VPS41: variants seen among roughly 807,000 people sequenced by gnomAD.
VPS41 encodes the protein VPS41 subunit of HOPS complex, also known as vacuolar protein sorting-associated protein 41 homolog.
Under a neutral mutation model 130.9 loss-of-function variants are expected in VPS41, and 85 were observed. The ratio of observed to expected loss-of-function variants is 0.65; its 90% CI spans 0.55 to 0.78. VPS41 has a LOEUF of 0.78. Ranked by LOEUF, VPS41 falls within the 30% of genes least tolerant of loss-of-function variation. The probability of loss-of-function intolerance (pLI) is 0.00; values close to 1 mark genes in which losing one functional copy is unlikely to be tolerated. For missense variants in VPS41, 874 were observed against 1,018.7 expected (o/e 0.86, Z 1.93); for synonymous variants, 335 against 332.9 (o/e 1.01, Z -0.07).
At chr7:38,788,490 G>C (rs1047778285) in intron 10 of VPS41, among the ~76,000 whole-genome samples, 2 of 152,180 alleles carry the variant, frequency 1.3e-5, no homozygotes, top group African/African-American at 2.4e-5. Flanking sequence ...ATAAGTATCA[G>C]CTAAGGAAAG....
chr7:38,904,168 A>C (rs1255559126), intron 1 of VPS41, among the ~76,000 whole-genome samples: 1 of 152,234 alleles, frequency 6.6e-6, no homozygotes, highest in Admixed American at 6.5e-5. Context: ...AGGGGACTGC[A>C]CAGCCATGAA....
intron 16 of VPS41, among the ~76,000 whole-genome samples, chr7:38,765,372 A>G (rs1208143949): frequency 6.6e-6 from 1 of 150,608 alleles, no homozygotes; most frequent in Non-Finnish European, 1.5e-5. Context: ...AAGTGAACAC[A>G]TTGTATATGT....
At chr7:38,777,341 T>C (rs532314117) in intron 10 of VPS41, among the ~76,000 whole-genome samples, 1 of 143,118 alleles carries the variant, frequency 7.0e-6, no homozygotes, top group South Asian at 2.3e-4. Flanking sequence ...AAATAAAGGC[T>C]AGAGAAAAAT....
intron 4 of VPS41, among the ~76,000 whole-genome samples, chr7:38,847,663 G>C (rs1785756643): frequency 6.6e-6 from 1 of 152,114 alleles, no homozygotes; most frequent in Admixed American, 6.6e-5. Flanking sequence ...ACCCATGAAG[G>C]CTGCAGAGCT....
intron 4 of VPS41, among the ~76,000 whole-genome samples, chr7:38,850,209 A>T (rs2116260298): frequency 6.6e-6 from 1 of 152,304 alleles, no homozygotes; most frequent in Non-Finnish European, 1.5e-5. Context: ...AGACTTTTAA[A>T]TGCTTTGCCA....
chr7:38,802,527 G>A (rs936293377), intron 7 of VPS41, among the ~76,000 whole-genome samples: 2 of 152,136 alleles, frequency 1.3e-5, no homozygotes, highest in African/African-American at 4.8e-5. Context: ...ACAGAAGGGA[G>A]AATGGCCAAA....
chr7:38,737,921 T>C (rs185277800), intron 25 of VPS41, among the ~76,000 whole-genome samples: 2 of 152,342 alleles, frequency 1.3e-5, no homozygotes, highest in East Asian at 3.9e-4. Context: ...CCCAATGCCT[T>C]AGATCCAGTT....
At chr7:38,753,142 A>C (rs991678761) in intron 21 of VPS41, among the ~76,000 whole-genome samples, 2 of 152,110 alleles carry the variant, frequency 1.3e-5, no homozygotes, top group African/African-American at 4.8e-5. Flanking sequence ...AAAACCCCAC[A>C]ATCTACTGAA....
Position 38,725,260 on chromosome 7 carries a change from T to C in VPS41, c.*986A>G, listed in dbSNP as rs1795515480. 6.6e-6 allele frequency: 1 copy of C among 152,254 alleles called. No individual in the cohort carries two copies. The highest frequency in any genetic ancestry group is 2.4e-5 in the African/African-American group (1 of 41,464). 9.4% of individuals were successfully genotyped at this position (152,254 alleles called of 1,614,324 possible). ...TCCCAAGGAAGATGAAGCCAGTAAC[T>C]GTAAGACACAATTACAAGTTTGACT... On this transcript the variant is annotated 3_prime_UTR_variant, in exon 29 of 29. Transcript: ENST00000310301.
chr7:38,817,545 G>A (rs1333276377), intron 7 of VPS41, among the ~76,000 whole-genome samples: 6 of 152,212 alleles, frequency 3.9e-5, no homozygotes, highest in Non-Finnish European at 7.3e-5. Context: ...TTGAACCCAG[G>A]AGGCGGAGGC....
In VPS41 at chr7:38,741,980, C is replaced by T. The variant is rs200867245; in HGVS notation, c.2259+5G>A. 5.1e-5 allele frequency: 82 copies of T among 1,612,814 alleles called. No individual in the cohort carries two copies. The highest frequency in any genetic ancestry group is 3.7e-4 in the Admixed American group (22 of 59,908). On this transcript the variant is annotated splice_donor_5th_base_variant and intron_variant, in intron 25 of 28. Coordinates refer to ENST00000310301, the MANE Select transcript of VPS41 (RefSeq NM_014396.4). Reference sequence around the variant, plus strand: ...ATGCTCATTTGTCCAAGAAAGGATACTTACTTGCAAATTGTAGTCTTGCAG... The same window carrying T: ...ATGCTCATTTGTCCAAGAAAGGATATTTACTTGCAAATTGTAGTCTTGCAG...
chr7:38,728,182 GA>G (rs1795585430), intron 27 of VPS41, among the ~76,000 whole-genome samples: 1 of 152,162 alleles, frequency 6.6e-6, no homozygotes, highest in Non-Finnish European at 1.5e-5. Context: ...AGTTCTAAAA[GA>G]AGGGCCCCTG....
intron 10 of VPS41, among the ~76,000 whole-genome samples, chr7:38,781,815 T>A (rs766852755): frequency 6.6e-6 from 1 of 152,364 alleles, no homozygotes; most frequent in Admixed American, 6.5e-5. Context: ...TTTGAGATTT[T>A]CAAATTCTGA....
At chr7:38,750,429 C>T (rs1046764410) in intron 22 of VPS41, among the ~76,000 whole-genome samples, 9 of 152,178 alleles carry the variant, frequency 5.9e-5, no homozygotes, top group African/African-American at 2.2e-4. Flanking sequence ...TTCACCATTA[C>T]CACCTCTAAT....
chr7:38,792,691 G>C (rs1383224550), intron 9 of VPS41, among the ~76,000 whole-genome samples: 1 of 152,122 alleles, frequency 6.6e-6, no homozygotes, highest in Non-Finnish European at 1.5e-5. Flanking sequence ...CAAAATACAA[G>C]TTAGATCACT....
chr7:38,880,838 T>C (rs570777775), intron 2 of VPS41, among the ~76,000 whole-genome samples: 44 of 152,310 alleles, frequency 2.9e-4, no homozygotes, highest in African/African-American at 1.0e-3. Context: ...CAGGCCCTAA[T>C]TGTCAAGTGA....
intron 2 of VPS41, among the ~76,000 whole-genome samples, chr7:38,896,239 C>T (rs781423081): frequency 1.3e-5 from 2 of 152,168 alleles, no homozygotes; most frequent in Non-Finnish European, 2.9e-5. Context: ...ACCAATGATT[C>T]TAAGAACACT....
chr7:38,908,915 G>A (rs1787327058), intron 1 of VPS41, among the ~76,000 whole-genome samples: 4 of 152,208 alleles, frequency 2.6e-5, no homozygotes, highest in African/African-American at 9.6e-5. Flanking sequence ...GATGGGGCCC[G>A]AGGAAAGGCA....
At chr7:38,821,953 G>C (rs1246671115) in intron 5 of VPS41, among the ~76,000 whole-genome samples, 3 of 151,972 alleles carry the variant, frequency 2.0e-5, no homozygotes, top group Non-Finnish European at 4.4e-5. Flanking sequence ...TAAAGGAAAG[G>C]GGAGATTTTT....
Sources: gnomAD v4.1 joint callset for allele counts (sites outside exome capture counted in the v4.1 genomes callset) on GRCh38, gnomAD v4.1.1 for gene constraint, MANE v1.5 for transcripts, NCBI Gene and HGNC (gene_info 2026-07-23, HGNC 2026-07-21) for gene names.